MYMX: variants seen among roughly 807,000 people sequenced by gnomAD.
MYMX encodes the protein protein myomixer.
chr6:44,200,302 GTT>G, the MYMX span, among the ~76,000 whole-genome samples: 1 of 151,200 alleles, frequency 6.6e-6, no homozygotes, highest in African/African-American at 2.4e-5. Context: ...GTCTTGCCTA[GTT>G]TTTTTTATTT....
At chr6:44,193,934 A>G in the MYMX span, among the ~76,000 whole-genome samples, 17 of 152,322 alleles carry the variant, frequency 1.1e-4, no homozygotes, top group Admixed American at 9.2e-4. Context: ...CCGTGAACTG[A>G]GATCGTGCCC....
chr6:44,208,277 A>AG, the MYMX span, among the ~76,000 whole-genome samples: 1 of 152,030 alleles, frequency 6.6e-6, no homozygotes, highest in Non-Finnish European at 1.5e-5. Context: ...AAAGAAAAAA[A>AG]CATTTACAGC....
At chr6:44,195,040 G>A in the MYMX span, among the ~76,000 whole-genome samples, 4 of 151,786 alleles carry the variant, frequency 2.6e-5, no homozygotes, top group African/African-American at 7.3e-5. Flanking sequence ...TTTTAAGACA[G>A]AGTCTTGCTC....
chr6:44,211,873 T>C, the MYMX span, among the ~76,000 whole-genome samples: 6 of 149,510 alleles, frequency 4.0e-5, no homozygotes, highest in Non-Finnish European at 8.9e-5. Context: ...CTCGAACTCC[T>C]GACCTCAAGT....
chr6:44,204,727 C>T, the MYMX span, among the ~76,000 whole-genome samples: 1 of 152,264 alleles, frequency 6.6e-6, no homozygotes, highest in South Asian at 2.1e-4. Context: ...TCCATCACCC[C>T]TAGAGGCCCC....
At chr6:44,215,210 C>A (rs1054892404), upstream of MYMX, among the ~76,000 whole-genome samples, 2 of 152,196 alleles carry the variant, frequency 1.3e-5, no homozygotes, top group Admixed American at 6.5e-5. Context: ...ACTTCATGGA[C>A]AGTATCTCAT....
upstream of MYMX, among the ~76,000 whole-genome samples, chr6:44,214,101 G>T (rs957328828): frequency 1.3e-5 from 2 of 152,198 alleles, no homozygotes; most frequent in Non-Finnish European, 2.9e-5. Flanking sequence ...TGAGCCATTG[G>T]ATAATTTGAG....
chr6:44,199,426 C>T, the MYMX span, among the ~76,000 whole-genome samples: 23 of 152,066 alleles, frequency 1.5e-4, no homozygotes, highest in African/African-American at 4.6e-4. Context: ...TCGAACTCCT[C>T]GGCTCAAGTG....
At chr6:44,211,884 G>C in the MYMX span, among the ~76,000 whole-genome samples, 2 of 150,918 alleles carry the variant, frequency 1.3e-5, no homozygotes, top group Non-Finnish European at 2.9e-5. Context: ...GACCTCAAGT[G>C]ATCTGCCACC....
At chr6:44,215,222 T>C (rs1358204974), upstream of MYMX, among the ~76,000 whole-genome samples, 1 of 152,254 alleles carries the variant, frequency 6.6e-6, no homozygotes, top group Non-Finnish European at 1.5e-5. Context: ...GTATCTCATC[T>C]GATCCAGCAA....
At chr6:44,213,417 G>C (rs191779682), upstream of MYMX, among the ~76,000 whole-genome samples, 12 of 144,884 alleles carry the variant, frequency 8.3e-5, no homozygotes, top group Non-Finnish European at 1.6e-4. Context: ...ATTGCAAAAC[G>C]TTTTTCTTTA....
the MYMX span, among the ~76,000 whole-genome samples, chr6:44,206,692 C>T: frequency 6.6e-6 from 1 of 151,936 alleles, no homozygotes; most frequent in Non-Finnish European, 1.5e-5. Context: ...TTGTTTTTTG[C>T]CTCTATCTTT....
upstream of MYMX, among the ~76,000 whole-genome samples, chr6:44,216,767 A>C (rs1475055260): frequency 6.6e-6 from 1 of 152,092 alleles, no homozygotes; most frequent in Non-Finnish European, 1.5e-5. Context: ...TAGACTGGGA[A>C]GTGGGGGCCA....
chr6:44,209,203 A>G, the MYMX span, among the ~76,000 whole-genome samples: 5 of 152,184 alleles, frequency 3.3e-5, no homozygotes, highest in South Asian at 1.0e-3. Flanking sequence ...AGCTCAAGCC[A>G]TCTTCCTGCC....
chr6:44,195,769 T>A, the MYMX span, among the ~76,000 whole-genome samples: 1,322 of 152,372 alleles, frequency 8.7e-3, 17 homozygotes, highest in African/African-American at 0.029. Context: ...TTATGTATCA[T>A]GTTTTTGATA....
At chr6:44,198,068 A>G in the MYMX span, among the ~76,000 whole-genome samples, 1 of 151,680 alleles carries the variant, frequency 6.6e-6, no homozygotes, top group Non-Finnish European at 1.5e-5. Flanking sequence ...AGTTTATTAT[A>G]CTATTCTCAT....
the MYMX span, among the ~76,000 whole-genome samples, chr6:44,204,175 G>T: frequency 6.6e-6 from 1 of 152,174 alleles, no homozygotes; most frequent in Non-Finnish European, 1.5e-5. Context: ...AAGGGAGGCA[G>T]ATAACCAACA....
the MYMX span, among the ~76,000 whole-genome samples, chr6:44,211,851 G>C: frequency 7.5e-6 from 1 of 132,820 alleles, no homozygotes; most frequent in African/African-American, 2.9e-5. Context: ...TTGCCATGTT[G>C]GCCAGGCTGG....
At chr6:44,207,574 C>T in the MYMX span, among the ~76,000 whole-genome samples, 1 of 151,904 alleles carries the variant, frequency 6.6e-6, no homozygotes, top group Admixed American at 6.6e-5. Flanking sequence ...CTCTTGTTGC[C>T]CAGGCTGGAG....
Sources: gnomAD v4.1 joint callset for allele counts (sites outside exome capture counted in the v4.1 genomes callset) on GRCh38, gnomAD v4.1.1 for gene constraint, MANE v1.5 for transcripts, NCBI Gene and HGNC (gene_info 2026-07-23, HGNC 2026-07-21) for gene names.